PHLPP1: variants seen among roughly 807,000 people sequenced by gnomAD.
PHLPP1 encodes PH domain and leucine rich repeat protein phosphatase 1, also known as PH domain leucine-rich repeat-containing protein phosphatase 1.
In PHLPP1, 42 loss-of-function variants were observed where a neutral mutation model predicts 117.2. The ratio of observed to expected loss-of-function variants is 0.36; its 90% CI spans 0.28 to 0.46. PHLPP1 has a LOEUF of 0.46. PHLPP1 is among the 20% of genes least tolerant of loss of function. The pLI is 1.00. For synonymous variants in PHLPP1, 1,042 were observed against 970.7 expected (o/e 1.07, Z -1.37); for missense variants, 2,084 against 2,241.9 (o/e 0.93, Z 1.42).
intron 12 of PHLPP1, among the ~76,000 whole-genome samples, chr18:62,949,724 G>A (rs1030503598): frequency 6.6e-6 from 1 of 152,062 alleles, no homozygotes; most frequent in Admixed American, 6.6e-5. Flanking sequence ...CCTCCCTCTG[G>A]ATACAGATTA....
chr18:62,796,607 A>G (rs746778378), intron 1 of PHLPP1, among the ~76,000 whole-genome samples: 1 of 152,232 alleles, frequency 6.6e-6, no homozygotes, highest in Non-Finnish European at 1.5e-5. Flanking sequence ...AAGTATTTGA[A>G]TATTTGAAAT....
In PHLPP1 at chr18:62,819,838, G is replaced by A. The variant is rs534973847; in HGVS notation, c.1577-10197G>A. Among the ~76,000 whole-genome samples the A allele has an allele frequency of 5.3e-5, 8 of 152,234 alleles. No individual in the cohort carries two copies. In the South Asian group the frequency reaches 1.7e-3, roughly 32 times the overall value. On this transcript the variant is annotated intron_variant, in intron 1 of 16. Coordinates refer to ENST00000262719, the MANE Select transcript of PHLPP1 (RefSeq NM_194449.4). ...TTTCTGTATTTTTAGTAGAGAAGGGGTTTCACCATGTTGGCCGCCAGGCTT... is the reference window on the plus strand; with the variant it reads ...TTTCTGTATTTTTAGTAGAGAAGGGATTTCACCATGTTGGCCGCCAGGCTT...
At chr18:62,972,460 G>C (rs1047016208) in intron 14 of PHLPP1, 54 bp from the exon 15 acceptor site, 10 of 1,511,766 alleles carry the variant, frequency 6.6e-6, no homozygotes, top group Non-Finnish European at 9.1e-6. Context: ...CACTGGGCTG[G>C]GCCTGGAGCA....
At chr18:62,884,218 A>G (rs1438394085) in intron 4 of PHLPP1, among the ~76,000 whole-genome samples, 1 of 152,210 alleles carries the variant, frequency 6.6e-6, no homozygotes, top group Non-Finnish European at 1.5e-5. Context: ...ATGTGGTATA[A>G]TCTGATTCAA....
chr18:62,811,929 G>T (rs1255967323), intron 1 of PHLPP1, among the ~76,000 whole-genome samples: 7 of 152,162 alleles, frequency 4.6e-5, no homozygotes, highest in Non-Finnish European at 8.8e-5. Flanking sequence ...TAATGCAGTA[G>T]AGAGGAGTGG....
At chr18:62,901,981 T>C (rs1470197288) in intron 6 of PHLPP1, among the ~76,000 whole-genome samples, 1 of 152,208 alleles carries the variant, frequency 6.6e-6, no homozygotes, top group Admixed American at 6.5e-5. Context: ...GCTGGCTTTG[T>C]AATGGAAAAT....
At position 62,716,843 on chromosome 18, in the gene PHLPP1, C is replaced by T. The variant is rs760220288; in HGVS notation, c.1160C>T (p.Pro387Leu). 4.7e-5 allele frequency: 71 copies of T among 1,524,052 alleles called. No individual in the cohort carries two copies. In the South Asian group the frequency reaches 8.1e-4, roughly 17 times the overall value. The allele number at this position is 1,524,052 out of a possible 1,614,324, so 94.4% of individuals were successfully genotyped here. ...CTCGAGGCCGACGCAGCCTCGGCCC[C>T]GACGGGGGTCCCGGGCCAGCCCCGC... The part of the protein sequence containing the change: ...EELEADAASA[P>L]TGVPGQPRRP... The change falls in exon 1 of 17, where the codon CCG becomes CTG. Residue 387 changes from proline (P) to leucine (L), a missense_variant. This residue lies in a region of PHLPP1 where 719 missense variants were observed against 636.0 expected (regional missense o/e 1.13). Coordinates refer to ENST00000262719, the MANE Select transcript of PHLPP1 (RefSeq NM_194449.4). This position sits in a 1 kb window ranked among gnomAD's most constrained non-coding sequence, Gnocchi z 5.7.
At chr18:62,824,191 G>T (rs1914545938) in intron 1 of PHLPP1, 1 of 455,930 alleles carries the variant, frequency 2.2e-6, no homozygotes, top group Non-Finnish European at 4.4e-6. Flanking sequence ...CTGCACTGGT[G>T]CTGGGGATGT....
chr18:62,783,062 A>G (rs1177211265), intron 1 of PHLPP1, among the ~76,000 whole-genome samples: 1 of 145,396 alleles, frequency 6.9e-6, no homozygotes, highest in African/African-American at 2.5e-5. Context: ...CCAATAAAAT[A>G]CTGTTCTTGC....
intron 6 of PHLPP1, among the ~76,000 whole-genome samples, chr18:62,900,879 T>TA (rs1299197738): frequency 6.6e-6 from 1 of 152,224 alleles, no homozygotes; most frequent in East Asian, 1.9e-4. Flanking sequence ...CTTCACAGTT[T>TA]ACGTATATTT....
intron 9 of PHLPP1, among the ~76,000 whole-genome samples, chr18:62,917,248 G>A (rs1189943014): frequency 6.7e-6 from 1 of 149,528 alleles, no homozygotes; most frequent in African/African-American, 2.4e-5. Flanking sequence ...ACAAATTCAA[G>A]ATAACTGACA....
intron 4 of PHLPP1, among the ~76,000 whole-genome samples, chr18:62,891,447 A>C (rs563513575): frequency 1.3e-5 from 2 of 151,952 alleles, no homozygotes; most frequent in Admixed American, 6.6e-5. Context: ...AATCAGCCAA[A>C]TGTGGTTCTC....
intron 2 of PHLPP1, chr18:62,837,583 T>G (rs1630407): frequency 6.6e-6 from 1 of 152,156 alleles, no homozygotes; most frequent in East Asian, 1.9e-4. Context: ...ACATATTTGG[T>G]TTTCATTTCA....
chr18:62,774,719 G>T (rs1373061531), intron 1 of PHLPP1, among the ~76,000 whole-genome samples: 1 of 151,956 alleles, frequency 6.6e-6, no homozygotes, highest in East Asian at 1.9e-4. Context: ...TCCTTTTGTG[G>T]TGTCAACCTG....
intron 13 of PHLPP1, among the ~76,000 whole-genome samples, chr18:62,961,013 A>G (rs934560793): frequency 6.6e-6 from 1 of 151,988 alleles, no homozygotes; most frequent in African/African-American, 2.4e-5. Flanking sequence ...GATATACAAG[A>G]TGGCCGGGTG....
intron 1 of PHLPP1, among the ~76,000 whole-genome samples, chr18:62,738,819 G>A (rs939339908): frequency 7.2e-5 from 11 of 152,190 alleles, no homozygotes; most frequent in Admixed American, 5.9e-4. Context: ...TTGGCTGTGG[G>A]TAACTGAAAC....
intron 1 of PHLPP1, among the ~76,000 whole-genome samples, chr18:62,823,785 G>A (rs1006731655): frequency 6.6e-6 from 1 of 152,016 alleles, no homozygotes; most frequent in African/African-American, 2.4e-5. Flanking sequence ...TTAGGGGAAT[G>A]CAACTTAAAA....
At chr18:62,897,380 A>G (rs553990292) in intron 6 of PHLPP1, among the ~76,000 whole-genome samples, 3 of 152,214 alleles carry the variant, frequency 2.0e-5, no homozygotes, top group Non-Finnish European at 4.4e-5. Flanking sequence ...TAGACATTAG[A>G]CACTCTGTAA....
At chr18:62,870,321 C>G (rs139911063) in intron 4 of PHLPP1, among the ~76,000 whole-genome samples, 170 of 152,166 alleles carry the variant, frequency 1.1e-3, no homozygotes, top group Non-Finnish European at 2.9e-4. Context: ...CATATATACC[C>G]CCCTCTTATA....
Sources: gnomAD v4.1 joint callset for allele counts (sites outside exome capture counted in the v4.1 genomes callset) on GRCh38, gnomAD v4.1.1 for gene constraint, gnomAD v4.1.1 regional missense constraint, Gnocchi (gnomAD v3.1) non-coding constraint, MANE v1.5 for transcripts, NCBI Gene and HGNC (gene_info 2026-07-23, HGNC 2026-07-21) for gene names.